Variants in LRRIQ4 observed in about 807,000 individuals in gnomAD.
LRRIQ4 encodes the protein leucine rich repeats and IQ motif containing 4.
In LRRIQ4, 21 loss-of-function variants were observed where a neutral mutation model predicts 40.1. The ratio of observed to expected loss-of-function variants is 0.52; its 90% CI spans 0.37 to 0.75. LRRIQ4 has a LOEUF of 0.75. Ranked by LOEUF, LRRIQ4 falls within the 30% of genes least tolerant of loss-of-function variation. LRRIQ4 has a pLI of 0.00. For missense variants in LRRIQ4, 655 were observed against 660.0 expected, an observed-to-expected ratio of 0.99 and a Z score of 0.08; for synonymous variants, 277 against 277.1, an observed-to-expected ratio of 1.00 and a Z score of 0.00.
intron 4 of LRRIQ4, 123 bp downstream of exon 4, chr3:169,830,753 A>G (rs867819789): frequency 1.1e-5 from 13 of 1,218,020 alleles, no homozygotes; most frequent in African/African-American, 1.5e-5. Context: ...CTATCCCATT[A>G]CTTCCTTGCA....
intron 1 of LRRIQ4, among the ~76,000 whole-genome samples, chr3:169,816,143 G>T (rs1311905530): frequency 6.6e-6 from 1 of 152,106 alleles, no homozygotes; most frequent in Non-Finnish European, 1.5e-5. Context: ...GTGTGTCTTT[G>T]GTTTTGGTGT....
At chr3:169,821,198 ACT>A (rs1248143546) in intron 1 of LRRIQ4, among the ~76,000 whole-genome samples, 2 of 151,200 alleles carry the variant, frequency 1.3e-5, no homozygotes, top group Non-Finnish European at 3.0e-5. Context: ...TGTATCTTCG[ACT>A]CTCTGGTGGT....
chr3:169,833,003 G>T lies in LRRIQ4; in HGVS notation c.1350G>T (p.Arg450=). 1 of 1,611,350 alleles carries T rather than the reference G, an allele frequency of 6.2e-7. No individual in the cohort carries two copies. The highest frequency in any genetic ancestry group is 8.5e-7 in the Non-Finnish European group (1 of 1,179,298). ...TCTTTTCAGCTTTGAAAGAATTACG[G>T]CTGGAGGACAACTTGCTCACCCATC... ...ICQAQALKEL[R]LEDNLLTHLP... The change falls in exon 5 of 6, where the codon CGG becomes CGT. Residue 450 remains arginine (R), a synonymous_variant. Transcript: ENST00000340806.
At chr3:169,829,066 A>G (rs1780106556) in intron 3 of LRRIQ4, 134 bp downstream of exon 3, 1 of 781,578 alleles carries the variant, frequency 1.3e-6, no homozygotes, top group Non-Finnish European at 2.0e-6. Context: ...TCAGACAAGC[A>G]ATCATTTTTA....
At chr3:169,816,530 T>C (rs536186090) in intron 1 of LRRIQ4, among the ~76,000 whole-genome samples, 1 of 152,214 alleles carries the variant, frequency 6.6e-6, no homozygotes, top group South Asian at 2.1e-4. Context: ...TCTTCTCTCT[T>C]TTTCTCTTAA....
rs767894017 is a variant in LRRIQ4, at chr3:169,833,133, A to T, written c.1480A>T (p.Ile494Leu). The change falls in exon 5 of 6, where the codon ATA becomes TTA. Residue 494 changes from isoleucine to leucine, a missense_variant. Physicochemically the swap from Ile to Leu is conservative, Grantham distance 5. Transcript: ENST00000340806. ...AGTGTGTGCTGAAGGCAATGAGGCC[A>T]TATGGAAATACCTCAAGGAAAACAG... Reference protein sequence around the residue: ...KEVCAEGNEAIWKYLKENRNR... With the variant: ...KEVCAEGNEALWKYLKENRNR... 4 of 1,614,016 alleles carry T rather than the reference A, an allele frequency of 2.5e-6. No individual in the cohort carries two copies. The highest frequency in any genetic ancestry group is 2.2e-5 in the East Asian group (1 of 44,886).
chr3:169,819,094 G>T (rs74682873), intron 1 of LRRIQ4, among the ~76,000 whole-genome samples: 1 of 152,086 alleles, frequency 6.6e-6, no homozygotes, highest in Non-Finnish European at 1.5e-5. Flanking sequence ...AAAATCACCC[G>T]ACCATAATAT....
chr3:169,831,253 T>C lies in LRRIQ4; in HGVS notation c.1333+623T>C, dbSNP rs1199851386. On this transcript the variant is annotated intron_variant, in intron 4 of 5. Coordinates refer to ENST00000340806, the MANE Select transcript of LRRIQ4 (RefSeq NM_001080460.3). ...GGCTTATGCACATGTTTTCAAACTA[T>C]GGCTATTCTTTTTTTTTTTTTTTTT... is the stretch of plus-strand genomic sequence containing the variant. Among the ~76,000 whole-genome samples, 2 of 145,936 alleles carry C rather than the reference T, an allele frequency of 1.4e-5. 1 individual carries two copies. The highest frequency in any genetic ancestry group is 3.0e-5 in the Non-Finnish European group (2 of 66,396).
At chr3:169,827,714 T>C (rs1189580226) in intron 2 of LRRIQ4, among the ~76,000 whole-genome samples, 1 of 151,574 alleles carries the variant, frequency 6.6e-6, no homozygotes, top group Non-Finnish European at 1.5e-5. Flanking sequence ...TTGGCTGTAC[T>C]AAAGTAGGAA....
chr3:169,827,319 A>AT (rs536074244), intron 2 of LRRIQ4, among the ~76,000 whole-genome samples: 20 of 152,130 alleles, frequency 1.3e-4, no homozygotes, highest in East Asian at 5.8e-4. Context: ...TAAGAATGAG[A>AT]TTTTTTCGCC....
intron 2 of LRRIQ4, among the ~76,000 whole-genome samples, chr3:169,826,774 A>G (rs1780049477): frequency 6.6e-6 from 1 of 152,216 alleles, no homozygotes; most frequent in Non-Finnish European, 1.5e-5. Flanking sequence ...TAAGTGCTTG[A>G]TGAAGAATTT....
intron 1 of LRRIQ4, among the ~76,000 whole-genome samples, chr3:169,821,274 G>A (rs1437650832): frequency 3.3e-5 from 5 of 152,106 alleles, no homozygotes; most frequent in Non-Finnish European, 7.4e-5. Context: ...CAGTGTTATG[G>A]TAAGAGCAAG....
At chr3:169,813,717 G>C (rs1779690463) in intron 1 of LRRIQ4, among the ~76,000 whole-genome samples, 1 of 152,116 alleles carries the variant, frequency 6.6e-6, no homozygotes, top group East Asian at 1.9e-4. Context: ...CCCTGTGCTC[G>C]GCCCACTCCC....
chr3:169,818,243 G>A (rs1779805273), intron 1 of LRRIQ4, among the ~76,000 whole-genome samples: 1 of 152,206 alleles, frequency 6.6e-6, no homozygotes, highest in Admixed American at 6.5e-5. Flanking sequence ...TCTGGGGGTT[G>A]GAGGAGGGAT....
intron 5 of LRRIQ4, among the ~76,000 whole-genome samples, chr3:169,835,377 T>TGC (rs1780282466): frequency 6.6e-6 from 1 of 151,812 alleles, no homozygotes; most frequent in South Asian, 2.1e-4. Flanking sequence ...TGTGTGTGTG[T>TGC]GTGTGTGTGT....
At chr3:169,830,414 T>C in intron 3 of LRRIQ4, 78 bp from the exon 4 acceptor site, 1 of 212,608 alleles carries the variant, frequency 4.7e-6, no homozygotes, top group Non-Finnish European at 7.4e-6. Context: ...AAAAAATGCA[T>C]GAGCACCCAC....
intron 2 of LRRIQ4, 101 bp downstream of exon 2, chr3:169,823,042 G>C: frequency 1.0e-6 from 1 of 966,242 alleles, no homozygotes; most frequent in Non-Finnish European, 1.5e-6. Context: ...TGACTTTATG[G>C]GCGAAAATCC....
At chr3:169,818,250 G>A (rs1032562134) in intron 1 of LRRIQ4, among the ~76,000 whole-genome samples, 2 of 152,156 alleles carry the variant, frequency 1.3e-5, no homozygotes, top group African/African-American at 4.8e-5. Flanking sequence ...GTTGGAGGAG[G>A]GATGGTTCTG....
rs1485779307 is a variant in LRRIQ4, at chr3:169,822,366, C to G, written c.445C>G (p.Leu149Val). 2 of 1,612,960 alleles carry G rather than the reference C, an allele frequency of 1.2e-6. No homozygotes were observed. The highest frequency in any genetic ancestry group is 1.7e-6 in the Non-Finnish European group (2 of 1,179,504). Residue 149 changes from leucine (L) to valine (V), a missense_variant, in exon 2 of 6, where the codon CTG becomes GTG. Transcript: ENST00000340806. ...KNLHHLELLG[L>V]TGNHLKCLPK... is the part of the protein sequence containing the mutation. ...CCTCCACCATCTCGAGCTGCTCGGA[C>G]TGACCGGAAACCACCTGAAATGTCT...
Sources: allele counts gnomAD v4.1 joint callset (sites outside exome capture counted in the v4.1 genomes callset), GRCh38; gene constraint gnomAD v4.1.1; transcripts MANE v1.5; gene names NCBI Gene and HGNC (gene_info 2026-07-23, HGNC 2026-07-21).